RAB1A: variants seen among roughly 807,000 people sequenced by gnomAD.
The protein encoded by RAB1A is RAB1A, member RAS oncogene family, also known as ras-related protein Rab-1A.
RAB1A carries 2 observed loss-of-function variants against 26.0 expected under a neutral mutation model. That is an observed-to-expected ratio of 0.08 (90% CI 0.03 to 0.24). The LOEUF (loss-of-function observed/expected upper bound fraction) is 0.24, where lower values mean the gene tolerates loss of function less well. Among genes scored for constraint, RAB1A ranks in the 10% least tolerant of loss-of-function variants. RAB1A has a pLI of 1.00. For missense variants in RAB1A, 100 were observed against 247.0 expected, an observed-to-expected ratio of 0.40 and a Z score of 3.99; for synonymous variants, 84 against 84.9, an observed-to-expected ratio of 0.99 and a Z score of 0.06.
intron 3 of RAB1A, among the ~76,000 whole-genome samples, chr2:65,092,621 G>GT (rs1669197968): frequency 6.6e-6 from 1 of 152,184 alleles, no homozygotes; most frequent in Non-Finnish European, 1.5e-5. Context: ...GCTGATTAAA[G>GT]TAAGCAATGG....
intron 1 of RAB1A, among the ~76,000 whole-genome samples, chr2:65,116,220 T>C (rs1415299466): frequency 2.0e-5 from 3 of 151,982 alleles, no homozygotes; most frequent in Admixed American, 6.6e-5. Context: ...TGAAAGAAAT[T>C]TGGGTAGTAC....
At chr2:65,090,105 A>G (rs2103821040) in intron 4 of RAB1A, among the ~76,000 whole-genome samples, 1 of 152,348 alleles carries the variant, frequency 6.6e-6, no homozygotes, top group Non-Finnish European at 1.5e-5. Flanking sequence ...TTCCACAGTC[A>G]TATTTAGAGG....
intron 1 of RAB1A, among the ~76,000 whole-genome samples, chr2:65,128,950 TTGAG>T (rs1670168452): frequency 6.6e-6 from 1 of 152,122 alleles, no homozygotes; most frequent in Non-Finnish European, 1.5e-5. Context: ...TGGTGACTTC[TTGAG>T]TAAGCAAGAA....
At position 65,088,627 on chromosome 2, in the gene RAB1A, C is replaced by T; in HGVS notation, c.484G>A (p.Glu162Lys). 1 of 1,613,368 alleles carries T rather than the reference C, an allele frequency of 6.2e-7. No individual in the cohort carries two copies. The highest frequency in any genetic ancestry group is 8.5e-7 in the Non-Finnish European group (1 of 1,179,638). Reference sequence around the variant, plus strand: ...GCTGCCATCGTCATGAAAGACTGTTCTACATTCGTTGCATTCTTAGCACTG... The same window carrying T: ...GCTGCCATCGTCATGAAAGACTGTTTTACATTCGTTGCATTCTTAGCACTG... ...ETSAKNATNV[E>K]QSFMTMAAEI... Residue 162 changes from glutamate to lysine, a missense_variant, in exon 6 of 6, where the codon GAA becomes AAA. By Grantham distance (56) the Glu-to-Lys change is moderately conservative (BLOSUM62 1). Transcript: ENST00000409784.
At chr2:65,121,288 A>C (rs1669960550) in intron 1 of RAB1A, among the ~76,000 whole-genome samples, 1 of 151,190 alleles carries the variant, frequency 6.6e-6, no homozygotes, top group Non-Finnish European at 1.5e-5. Context: ...AGTAAGTGCT[A>C]AATAGCACCT....
intron 4 of RAB1A, among the ~76,000 whole-genome samples, chr2:65,089,631 G>A (rs925804613): frequency 1.3e-5 from 2 of 151,874 alleles, no homozygotes; most frequent in South Asian, 2.1e-4. Flanking sequence ...AAACTGCAAC[G>A]CAGGCAAACC....
intron 3 of RAB1A, among the ~76,000 whole-genome samples, chr2:65,093,788 A>G (rs1456432268): frequency 6.6e-6 from 1 of 151,576 alleles, no homozygotes; most frequent in Admixed American, 6.6e-5. Flanking sequence ...ATGCCCAGCT[A>G]ATTTTTTTGT....
At chr2:65,093,901 C>T (rs1669226131) in intron 3 of RAB1A, among the ~76,000 whole-genome samples, 2 of 151,310 alleles carry the variant, frequency 1.3e-5, no homozygotes, top group African/African-American at 2.4e-5. Flanking sequence ...GGATTACAGG[C>T]GTGAGCCACC....
chr2:65,094,455 A>G (rs1030720558), intron 3 of RAB1A, among the ~76,000 whole-genome samples: 15 of 152,020 alleles, frequency 9.9e-5, no homozygotes, highest in Non-Finnish European at 2.2e-4. Flanking sequence ...GTGGTGGCAC[A>G]TGCCTGTAAT....
chr2:65,089,946 G>A (rs1669132201), intron 4 of RAB1A, among the ~76,000 whole-genome samples: 2 of 152,032 alleles, frequency 1.3e-5, no homozygotes, highest in African/African-American at 4.8e-5. Context: ...CAGGTGATCC[G>A]CCCGCCTCGG....
chr2:65,088,054 T>C lies in RAB1A; in HGVS notation c.*439A>G, dbSNP rs1228837049. On this transcript the variant is annotated 3_prime_UTR_variant, in exon 6 of 6. Transcript: ENST00000409784. The stretch of plus-strand genomic sequence containing the variant: ...TACAAGGAAGAACTAGCAAATCAGA[T>C]CTTACATATAACATCTCACTAAACT... 2.6e-5 allele frequency: 4 copies of C among 155,828 alleles called. No individual in the cohort carries two copies. Among genetic ancestry groups the C allele is most frequent in the African/African-American group, 9.6e-5 (4 of 41,562 alleles). The allele number at this position is 155,828 out of a possible 1,614,324, so 9.7% of individuals were successfully genotyped here. A position where few individuals can be genotyped will look rare whatever the true frequency, so the allele number is the denominator to read the frequency against.
rs1201745425 is a variant in RAB1A, at chr2:65,103,299, C to CAAAAAAAAAAAAAAAAAAAAA, written c.96+1434_96+1435insTTTTTTTTTTTTTTTTTTTTT. The stretch of plus-strand genomic sequence containing the variant: ...TTGGCAACACAGCCAGAATCTGTCT[C>CAAAAAAAAAAAAAAAAAAAAA]AAAAAAAAAAAAAAACATTGTTTTA... On this transcript the variant is annotated intron_variant, in intron 2 of 5. Transcript: ENST00000409784. Among the ~76,000 whole-genome samples, 38 of 44,094 alleles carry CAAAAAAAAAAAAAAAAAAAAA rather than the reference C, an allele frequency of 8.6e-4. 2 individuals carry two copies. Among genetic ancestry groups the CAAAAAAAAAAAAAAAAAAAAA allele is most frequent in the South Asian group, 2.8e-3 (3 of 1,060 alleles). The allele number at this position is 44,094 out of a possible 152,430, so 28.9% of individuals were successfully genotyped here.
Position 65,087,336 on chromosome 2 carries a change from G to C in RAB1A, c.*1157C>G, listed in dbSNP as rs1039965126. On this transcript the variant is annotated 3_prime_UTR_variant, in exon 6 of 6. Transcript: ENST00000409784. ...CAGTATTCATGTTTTAATTTTTAGGGATATAATTTCTAAATTTAGAGCAAT... is the reference window on the plus strand; with the variant it reads ...CAGTATTCATGTTTTAATTTTTAGGCATATAATTTCTAAATTTAGAGCAAT... 7 of 152,538 alleles carry C rather than the reference G, an allele frequency of 4.6e-5. No individual in the cohort carries two copies. The highest frequency in any genetic ancestry group is 8.8e-5 in the Non-Finnish European group (6 of 68,024). The allele number at this position is 152,538 out of a possible 1,614,324, so 9.4% of individuals were successfully genotyped here. A position where few individuals can be genotyped will look rare whatever the true frequency, so the allele number is the denominator to read the frequency against.
At chr2:65,121,991 T>A (rs1669973000) in intron 1 of RAB1A, among the ~76,000 whole-genome samples, 1 of 151,766 alleles carries the variant, frequency 6.6e-6, no homozygotes, top group Non-Finnish European at 1.5e-5. Context: ...AAACCCCATC[T>A]CTACTAATAT....
chr2:65,121,235 G>GAAA lies in RAB1A; in HGVS notation c.23+8655_23+8657dup, dbSNP rs34280362. ...GGGAGACAGAGCTAGATCATGTCTC[G>GAAA]AAAAAAAAAAAAAAAAAAACCATAG... On this transcript the variant is annotated intron_variant, in intron 1 of 5. Transcript: ENST00000409784. 7.7e-4 allele frequency among the ~76,000 whole-genome samples: 70 copies of GAAA among 91,350 alleles called. 1 individual carries two copies. The highest frequency in any genetic ancestry group is 2.5e-3 in the African/African-American group (57 of 23,100). 59.9% of individuals were successfully genotyped at this position (91,350 alleles called of 152,430 possible).
chr2:65,114,291 GA>G (rs571324736), intron 1 of RAB1A: 4 of 226,466 alleles, frequency 1.8e-5, no homozygotes, highest in South Asian at 5.0e-5. Flanking sequence ...TGCTAAGGAA[GA>G]AAAAAAATCT....
intron 1 of RAB1A, among the ~76,000 whole-genome samples, chr2:65,107,656 A>C (rs1669592809): frequency 6.6e-6 from 1 of 152,078 alleles, no homozygotes; most frequent in African/African-American, 2.4e-5. Context: ...CAGAAGTTTC[A>C]ACACAACAAC....
chr2:65,129,744 C>T (rs1670194091), intron 1 of RAB1A, 149 bp downstream of exon 1: 2 of 1,322,940 alleles, frequency 1.5e-6, no homozygotes, highest in East Asian at 2.5e-5. Flanking sequence ...GACAATGGGG[C>T]CCGACTCCCG....
chr2:65,103,310 A>AAAAAAAAAAAC (rs1226329509), intron 2 of RAB1A, among the ~76,000 whole-genome samples: 1 of 151,604 alleles, frequency 6.6e-6, no homozygotes, highest in East Asian at 2.0e-4. Context: ...AAAAAAAAAA[A>AAAAAAAAAAAC]AAAACATTGT....
Sources: gnomAD v4.1 joint callset for allele counts (sites outside exome capture counted in the v4.1 genomes callset) on GRCh38, gnomAD v4.1.1 for gene constraint, MANE v1.5 for transcripts, NCBI Gene and HGNC (gene_info 2026-07-23, HGNC 2026-07-21) for gene names.